The following SLC60A1 variants were observed in gnomAD, a reference collection of about 807,000 sequenced individuals.
SLC60A1 encodes the protein major facilitator superfamily domain containing 4.
At chr1:205,583,854 G>A in the SLC60A1 span, 1 of 1,409,258 alleles carries the variant, frequency 7.1e-7, no homozygotes, top group African/African-American at 1.4e-5. Flanking sequence ...GAAAAGAGCT[G>A]TCTTCTCCCA....
At chr1:205,576,100 G>A in the SLC60A1 span, among the ~76,000 whole-genome samples, 6 of 152,290 alleles carry the variant, frequency 3.9e-5, no homozygotes, top group African/African-American at 1.4e-4. Flanking sequence ...AGTGAGTGGG[G>A]CGGGGGACAA....
At chr1:205,597,048 G>A in the SLC60A1 span, among the ~76,000 whole-genome samples, 1 of 152,186 alleles carries the variant, frequency 6.6e-6, no homozygotes, top group Non-Finnish European at 1.5e-5. Flanking sequence ...GACTCATCAG[G>A]GCGTGTGGCT....
At chr1:205,575,344 G>A in the SLC60A1 span, among the ~76,000 whole-genome samples, 9 of 152,186 alleles carry the variant, frequency 5.9e-5, no homozygotes, top group South Asian at 2.1e-4. Context: ...TGGGCAGAGG[G>A]ATCACCTGGG....
chr1:205,594,035 G>A, the SLC60A1 span, among the ~76,000 whole-genome samples: 1 of 152,142 alleles, frequency 6.6e-6, no homozygotes, highest in African/African-American at 2.4e-5. Context: ...TCCTGGCCAC[G>A]GTGAAAACTG....
the SLC60A1 span, chr1:205,580,534 ATGGGGCAGAGGGTGGGG>A: frequency 7.3e-6 from 9 of 1,240,564 alleles, no homozygotes; most frequent in African/African-American, 7.4e-5. The surrounding 1 kb of genome is among the most constrained non-coding windows in gnomAD (Gnocchi z 5.0). Context: ...CAGCCCCTAC[ATGGGGCAGAGGGTGGGG>A]CTGGGGGAGG....
chr1:205,588,783 T>C, the SLC60A1 span, among the ~76,000 whole-genome samples: 1 of 152,364 alleles, frequency 6.6e-6, no homozygotes, highest in East Asian at 1.9e-4. Context: ...TTAGTATGTT[T>C]GTGCTATGTG....
the SLC60A1 span, chr1:205,602,678 C>G: frequency 6.6e-6 from 1 of 152,208 alleles, no homozygotes; most frequent in African/African-American, 2.4e-5. Flanking sequence ...TGTAAATACT[C>G]AAAAGTATTA....
At chr1:205,595,068 T>A in the SLC60A1 span, 97,879 of 152,016 alleles carry the variant, frequency 0.64, 32,164 homozygotes, top group African/African-American at 0.71. Flanking sequence ...ACATGTACTA[T>A]AATTGGACCA....
the SLC60A1 span, among the ~76,000 whole-genome samples, chr1:205,570,427 C>CGGCCT: frequency 1.3e-5 from 2 of 152,100 alleles, no homozygotes; most frequent in East Asian, 1.9e-4. Flanking sequence ...CTGGAGGGGC[C>CGGCCT]GTTCTGGGCT....
the SLC60A1 span, chr1:205,595,106 T>C: frequency 6.6e-6 from 1 of 152,224 alleles, no homozygotes; most frequent in East Asian, 1.9e-4. Context: ...ATGGCCCCTG[T>C]CCAAGGATGA....
At chr1:205,597,373 G>GTTTTTTTT in the SLC60A1 span, among the ~76,000 whole-genome samples, 10 of 37,228 alleles carry the variant, frequency 2.7e-4, no homozygotes, top group South Asian at 1.0e-3. Flanking sequence ...AACCTAGGTT[G>GTTTTTTTT]TTTTTTTTTT....
At chr1:205,585,022 G>A in the SLC60A1 span, 6 of 1,582,170 alleles carry the variant, frequency 3.8e-6, no homozygotes, top group Non-Finnish European at 5.2e-6. This position sits in a 1 kb window ranked among gnomAD's most constrained non-coding sequence, Gnocchi z 4.2. Flanking sequence ...GCCCCCTACT[G>A]GGGGACCCTT....
chr1:205,579,892 C>T, the SLC60A1 span: 269 of 1,614,128 alleles, frequency 1.7e-4, 2 homozygotes, highest in East Asian at 5.0e-3. Flanking sequence ...GCATCGACAC[C>T]GTGGCCAACA....
chr1:205,581,971 C>T, the SLC60A1 span, among the ~76,000 whole-genome samples: 1 of 152,210 alleles, frequency 6.6e-6, no homozygotes, highest in South Asian at 2.1e-4. The surrounding 1 kb of genome is among the most constrained non-coding windows in gnomAD (Gnocchi z 4.2). Flanking sequence ...AAGCCCTGAC[C>T]CTCAGCATAG....
At chr1:205,584,144 G>A in the SLC60A1 span, 2 of 1,608,290 alleles carry the variant, frequency 1.2e-6, no homozygotes, top group Non-Finnish European at 1.7e-6. Context: ...TAATGAATCT[G>A]CATCCTCACA....
the SLC60A1 span, chr1:205,569,343 C>A: frequency 2.2e-6 from 3 of 1,373,862 alleles, no homozygotes; most frequent in East Asian, 6.3e-5. Flanking sequence ...GCCCCCGGCA[C>A]CCACCCTCGC....
At chr1:205,592,530 C>T in the SLC60A1 span, among the ~76,000 whole-genome samples, 27 of 152,020 alleles carry the variant, frequency 1.8e-4, no homozygotes, top group African/African-American at 6.3e-4. Context: ...CTATCCCTCC[C>T]CCCTCTCCCC....
At chr1:205,593,641 C>A in the SLC60A1 span, among the ~76,000 whole-genome samples, 23 of 152,132 alleles carry the variant, frequency 1.5e-4, no homozygotes, top group Non-Finnish European at 3.1e-4. Context: ...GGAATAAAAT[C>A]TTTTCTACGA....
At chr1:205,601,532 A>G in the SLC60A1 span, 1 of 152,216 alleles carries the variant, frequency 6.6e-6, no homozygotes, top group Non-Finnish European at 1.5e-5. Context: ...AAGGTATAGA[A>G]ACAGCACTAA....
Sources: allele counts gnomAD v4.1 joint callset (sites outside exome capture counted in the v4.1 genomes callset), GRCh38; gene constraint gnomAD v4.1.1; non-coding constraint Gnocchi (gnomAD v3.1); transcripts MANE v1.5; gene names NCBI Gene and HGNC (gene_info 2026-07-23, HGNC 2026-07-21).